KMT5B: variants seen among roughly 807,000 people sequenced by gnomAD.
The protein encoded by KMT5B is histone-lysine N-methyltransferase KMT5B.
A neutral mutation model predicts 83.2 loss-of-function variants in KMT5B; 10 were observed. The ratio of observed to expected loss-of-function variants is 0.12; its 90% CI spans 0.07 to 0.20. The LOEUF (loss-of-function observed/expected upper bound fraction) is 0.20. KMT5B is among the 10% of genes least tolerant of loss of function. The pLI is 1.00. For missense variants in KMT5B, 753 were observed against 1,067.2 expected, an observed-to-expected ratio of 0.71 and a Z score of 4.10; for synonymous variants, 349 against 388.8, an observed-to-expected ratio of 0.90 and a Z score of 1.20.
In KMT5B at chr11:68,171,396, C is replaced by T. The variant is rs1358899606; in HGVS notation, c.821-145G>A. ...TCTCAAGTTCAACTAAAGGAATATA[C>T]ATTTATTTTAATAAGTTTGTGGAAA... On this transcript the variant is annotated intron_variant, in intron 7 of 10. Transcript: ENST00000304363. This position sits in a 1 kb window ranked among gnomAD's most constrained non-coding sequence, Gnocchi z 5.1. 2 of 1,241,758 alleles carry T rather than the reference C, an allele frequency of 1.6e-6. No homozygotes were observed. The highest frequency in any genetic ancestry group is 1.4e-5 in the South Asian group (1 of 71,446). 76.9% of individuals were successfully genotyped at this position (1,241,758 alleles called of 1,614,324 possible).
chr11:68,199,416 C>T (rs1859139404), intron 1 of KMT5B, among the ~76,000 whole-genome samples: 1 of 152,096 alleles, frequency 6.6e-6, no homozygotes, highest in Non-Finnish European at 1.5e-5. Flanking sequence ...AGGCAAGAAG[C>T]ATGCAGTAGA....
intron 1 of KMT5B, among the ~76,000 whole-genome samples, chr11:68,197,491 A>G (rs1161195798): frequency 6.6e-6 from 1 of 152,100 alleles, no homozygotes; most frequent in Non-Finnish European, 1.5e-5. Flanking sequence ...TAAGGAAATT[A>G]TAATATCAAC....
chr11:68,210,250 G>A (rs181508660), intron 1 of KMT5B, among the ~76,000 whole-genome samples: 2 of 152,026 alleles, frequency 1.3e-5, no homozygotes. Context: ...AAGCTTTGGG[G>A]GGGGGGACAC....
chr11:68,166,460 A>G, intron 10 of KMT5B: 4 of 1,000,476 alleles, frequency 4.0e-6, no homozygotes, highest in Non-Finnish European at 4.8e-6. Flanking sequence ...CTCCTCTATC[A>G]CAATTCTGAG....
At chr11:68,179,199 G>A (rs928109150) in intron 4 of KMT5B, among the ~76,000 whole-genome samples, 3 of 110,946 alleles carry the variant, frequency 2.7e-5, no homozygotes, top group South Asian at 3.2e-4. Flanking sequence ...AGGGATGGAC[G>A]CAAATGTGAA....
At chr11:68,195,025 TA>T (rs753808093) in intron 1 of KMT5B, among the ~76,000 whole-genome samples, 3 of 151,802 alleles carry the variant, frequency 2.0e-5, no homozygotes, top group Admixed American at 6.6e-5. Context: ...AAATAAAAAT[TA>T]AAAAATTAGC....
chr11:68,187,840 C>T (rs1215167972), intron 2 of KMT5B, among the ~76,000 whole-genome samples: 1 of 152,064 alleles, frequency 6.6e-6, no homozygotes, highest in Non-Finnish European at 1.5e-5. Context: ...CTGATTGTAT[C>T]TGAGATGGGG....
At position 68,158,403 on chromosome 11, in the gene KMT5B, G is replaced by T. The variant is rs751550288; in HGVS notation, c.1943C>A (p.Pro648His). The change falls in exon 11 of 11, where the codon CCC (proline) becomes CAC (histidine). Residue 648 changes from proline (P) to histidine (H), a missense_variant. Pro to His is a moderately conservative substitution (Grantham distance 77). Coordinates refer to ENST00000304363, the MANE Select transcript of KMT5B (RefSeq NM_017635.5). ...ACTGTGCTCACCCTGGTCAGAATGG[G>T]GACCCATCAAATCTGGTACCGCGTC... ...KDDAVPDLMG[P>H]HSDQGEHSGT... 42 of 1,613,932 alleles carry T rather than the reference G, an allele frequency of 2.6e-5. No homozygotes were observed. Among genetic ancestry groups the T allele is most frequent in the Non-Finnish European group, 1.7e-5 (20 of 1,179,978 alleles).
intron 10 of KMT5B, chr11:68,164,761 A>T: frequency 2.1e-6 from 1 of 470,686 alleles, no homozygotes; most frequent in South Asian, 1.5e-5. Context: ...TGTAATGCTG[A>T]GACTTCAGCT....
intron 4 of KMT5B, among the ~76,000 whole-genome samples, chr11:68,175,787 T>G (rs1856306624): frequency 6.6e-6 from 1 of 152,214 alleles, no homozygotes; most frequent in South Asian, 2.1e-4. Context: ...CACCTTGATG[T>G]TCTAACCACC....
chr11:68,213,376 C>G (rs1404941589), upstream of KMT5B: 1 of 147,294 alleles, frequency 6.8e-6, no homozygotes, highest in African/African-American at 2.4e-5. Context: ...CCCCCCGCCC[C>G]CAACCGGCCG....
At chr11:68,194,437 C>T (rs905405584) in intron 1 of KMT5B, among the ~76,000 whole-genome samples, 7 of 152,092 alleles carry the variant, frequency 4.6e-5, no homozygotes, top group Non-Finnish European at 7.4e-5. Flanking sequence ...AAGCGATCCT[C>T]CCACCTCGGC....
intron 10 of KMT5B, among the ~76,000 whole-genome samples, chr11:68,160,152 C>T (rs2153041842): frequency 6.6e-6 from 1 of 152,262 alleles, no homozygotes; most frequent in African/African-American, 2.4e-5. Flanking sequence ...TTTCTTTATG[C>T]TTACGAGGCT....
rs567200294 is a variant in KMT5B, at chr11:68,205,802, A to G, written c.-77+7336T>C. On this transcript the variant is annotated intron_variant, in intron 1 of 10. Coordinates refer to ENST00000304363, the MANE Select transcript of KMT5B (RefSeq NM_017635.5). ...CAATTAGCTAACTTTTTGTATTTTT[A>G]GTACAGACAGGGTTTCACCGTGTTA... 3.3e-5 allele frequency among the ~76,000 whole-genome samples: 5 copies of G among 152,170 alleles called. 1 individual carries two copies. In the South Asian group the frequency reaches 1.0e-3, roughly 32 times the overall value.
chr11:68,166,619 G>C, intron 10 of KMT5B: 1 of 1,039,864 alleles, frequency 9.6e-7, no homozygotes, highest in Non-Finnish European at 1.2e-6. Flanking sequence ...GGAATGTATA[G>C]AGTCTAATTT....
intron 1 of KMT5B, among the ~76,000 whole-genome samples, chr11:68,192,857 C>A (rs1402211598): frequency 6.6e-6 from 1 of 152,214 alleles, no homozygotes; most frequent in Non-Finnish European, 1.5e-5. Flanking sequence ...GAAATGTCTA[C>A]CTTATCATTC....
chr11:68,180,150 GA>G lies in KMT5B; in HGVS notation c.358del (p.Ser120LeufsTer6), dbSNP rs1856775300. 6.3e-7 allele frequency: 1 copy of G among 1,580,834 alleles called. No homozygotes were observed. Among genetic ancestry groups the G allele is most frequent in the Non-Finnish European group, 8.7e-7 (1 of 1,154,308 alleles). ...SRHFSKSDSF[S>X]HNNPVRFRPI... ...TACCTACCTCACAGGGTTGTTGTGA[GA>G]AAAACTGTCAGATTTTGAAAAATGC... On this transcript the variant is annotated frameshift_variant, in exon 4 of 11. Transcript: ENST00000304363. LOFTEE classifies it high-confidence loss of function.
intron 6 of KMT5B, among the ~76,000 whole-genome samples, chr11:68,173,321 G>A (rs1297616104): frequency 6.6e-6 from 1 of 152,182 alleles, no homozygotes; most frequent in Non-Finnish European, 1.5e-5. Context: ...GATTATAGGC[G>A]TGAGCCAATG....
intron 6 of KMT5B, among the ~76,000 whole-genome samples, chr11:68,173,063 T>C (rs1590961000): frequency 6.6e-6 from 1 of 152,090 alleles, no homozygotes; most frequent in African/African-American, 2.4e-5. Context: ...AATTTTGAGA[T>C]AGAGTCTCAC....
Sources: allele counts gnomAD v4.1 joint callset (sites outside exome capture counted in the v4.1 genomes callset), GRCh38; gene constraint gnomAD v4.1.1; non-coding constraint Gnocchi (gnomAD v3.1); transcripts MANE v1.5; gene names NCBI Gene and HGNC (gene_info 2026-07-23, HGNC 2026-07-21).